Variants in RNF114 observed in about 807,000 individuals in gnomAD.
The protein encoded by RNF114 is E3 ubiquitin-protein ligase RNF114.
A neutral mutation model predicts 28.4 loss-of-function variants in RNF114; 6 were observed. That is an observed-to-expected ratio of 0.21 (90% CI 0.12 to 0.42). The LOEUF is 0.42. Ranked by LOEUF, RNF114 falls within the 10% of genes least tolerant of loss-of-function variation. The pLI is 1.00. For synonymous variants in RNF114, 115 were observed against 116.7 expected, an observed-to-expected ratio of 0.99 and a Z score of 0.09; for missense variants, 249 against 311.7, an observed-to-expected ratio of 0.80 and a Z score of 1.51.
At chr20:49,950,117 T>C (rs779296372) in intron 5 of RNF114, among the ~76,000 whole-genome samples, 6 of 151,930 alleles carry the variant, frequency 3.9e-5, no homozygotes, top group Non-Finnish European at 4.4e-5. Flanking sequence ...CCAGGTGTGG[T>C]GGTGGGCACC....
At position 49,952,221 on chromosome 20, in the gene RNF114, C is replaced by A; in HGVS notation, c.*80C>A. On this transcript the variant is annotated 3_prime_UTR_variant, in exon 6 of 6. Transcript: ENST00000244061. ...AACGTGAAATCTATGACTCCTGTAC[C>A]TTACCTGTTCAACAGACCTGAAAAT... 1 of 1,252,372 alleles carries A rather than the reference C, an allele frequency of 8.0e-7. No homozygotes were observed. Among genetic ancestry groups the A allele is most frequent in the Non-Finnish European group, 1.2e-6 (1 of 851,074 alleles). The allele number at this position is 1,252,372 out of a possible 1,614,324, so 77.6% of individuals were successfully genotyped here. A position where few individuals can be genotyped will look rare whatever the true frequency, so the allele number is the denominator to read the frequency against.
At position 49,952,169 on chromosome 20, in the gene RNF114, A is replaced by G; in HGVS notation, c.*28A>G. On this transcript the variant is annotated 3_prime_UTR_variant, in exon 6 of 6. Transcript: ENST00000244061. ...AGAGTCCGTGCTTGCTATCTGTCTC[A>G]TGTTACAGAGCTTCCATTACATATT... 6.3e-7 allele frequency: 1 copy of G among 1,593,704 alleles called. No individual in the cohort carries two copies. The highest frequency in any genetic ancestry group is 8.6e-7 in the Non-Finnish European group (1 of 1,161,332).
rs184400159 is a variant in RNF114, at chr20:49,952,287, G to A, written c.*146G>A. ...GACAGGGTCACTTCTGACAGGGGAA[G>A]TGGGTCCCCAGGTCAGCCCTTCTCT... is the stretch of plus-strand genomic sequence containing the variant. On this transcript the variant is annotated 3_prime_UTR_variant, in exon 6 of 6. Transcript: ENST00000244061. The A allele has an allele frequency of 2.9e-4, 212 of 721,776 alleles. No individual in the cohort carries two copies. In the African/African-American group the frequency reaches 3.4e-3, roughly 12 times the overall value. 44.7% of individuals were successfully genotyped at this position (721,776 alleles called of 1,614,324 possible).
At chr20:49,947,835 A>C (rs1315911995) in intron 4 of RNF114, among the ~76,000 whole-genome samples, 1 of 111,484 alleles carries the variant, frequency 9.0e-6, no homozygotes, top group Non-Finnish European at 1.7e-5. Context: ...TCTGTCGCCC[A>C]GGCTGGAGTG....
intron 5 of RNF114, 149 bp from the exon 6 acceptor site, chr20:49,951,927 C>T (rs2090356632): frequency 1.6e-6 from 1 of 614,434 alleles, no homozygotes; most frequent in Non-Finnish European, 3.0e-6. Context: ...CCCAAAGTTA[C>T]ATACCTAGCA....
chr20:49,941,171 C>T (rs368980212), intron 1 of RNF114: 1 of 163,408 alleles, frequency 6.1e-6, no homozygotes, highest in Admixed American at 6.4e-5. Flanking sequence ...GGGCTGGACA[C>T]TCTGCCAGGG....
intron 2 of RNF114, among the ~76,000 whole-genome samples, chr20:49,942,954 T>A (rs1290854901): frequency 1.3e-5 from 2 of 152,174 alleles, no homozygotes; most frequent in Non-Finnish European, 2.9e-5. Context: ...TATATATATT[T>A]CTTCAACTTT....
intron 4 of RNF114, among the ~76,000 whole-genome samples, chr20:49,948,220 C>T (rs2090341901): frequency 6.6e-6 from 1 of 152,136 alleles, no homozygotes; most frequent in African/African-American, 2.4e-5. Flanking sequence ...CAGTCTTCTA[C>T]CATTCCAGAT....
intron 3 of RNF114, among the ~76,000 whole-genome samples, chr20:49,945,801 G>A (rs2090328368): frequency 6.6e-6 from 1 of 152,172 alleles, no homozygotes; most frequent in South Asian, 2.1e-4. Flanking sequence ...AAGTAGCTGG[G>A]ATTACAGGCA....
chr20:49,945,085 T>G (rs1384749764), intron 2 of RNF114: 15 of 249,816 alleles, frequency 6.0e-5, no homozygotes, highest in Admixed American at 5.5e-4. Flanking sequence ...AAAAACATCC[T>G]AGATTTGGAG....
intron 1 of RNF114, among the ~76,000 whole-genome samples, chr20:49,936,962 G>A (rs1218402434): frequency 3.3e-5 from 5 of 152,106 alleles, no homozygotes; most frequent in Non-Finnish European, 7.4e-5. Flanking sequence ...TAGCTGTGGC[G>A]AGTTATTCTA....
chr20:49,946,444 G>T (rs1029972362), intron 4 of RNF114, among the ~76,000 whole-genome samples, 194 bp downstream of exon 4: 2 of 152,128 alleles, frequency 1.3e-5, no homozygotes, highest in African/African-American at 4.8e-5. Flanking sequence ...ATAAGCTACA[G>T]ATACCATGAC....
chr20:49,951,523 A>G (rs1451852313), intron 5 of RNF114, among the ~76,000 whole-genome samples: 4 of 152,086 alleles, frequency 2.6e-5, no homozygotes, highest in Admixed American at 2.6e-4. Context: ...GCCAGCCTCC[A>G]TTCGTGTGCT....
rs2090346522 is a variant in RNF114, at chr20:49,949,243, G to A, written c.514-5G>A. On this transcript the variant is annotated splice_polypyrimidine_tract_variant and splice_region_variant and intron_variant, in intron 4 of 5. Transcript: ENST00000244061. ...GTGCCTAAGACCTTGCTTTTGTGTT[G>A]AAAGGTTTGTCCGATATGTGCCTCG... The A allele has an allele frequency of 1.2e-6, 2 of 1,613,844 alleles. No homozygotes were observed. The highest frequency in any genetic ancestry group is 1.7e-5 in the Admixed American group (1 of 60,020).
intron 2 of RNF114, chr20:49,941,974 A>T (rs544845110): frequency 4.7e-6 from 2 of 425,264 alleles, no homozygotes. Flanking sequence ...CCTATAAAAG[A>T]TCAATTATGG....
At chr20:49,939,569 A>G (rs1183130683) in intron 1 of RNF114, among the ~76,000 whole-genome samples, 1 of 152,112 alleles carries the variant, frequency 6.6e-6, no homozygotes, top group African/African-American at 2.4e-5. Flanking sequence ...AGGCTTCAGG[A>G]TAGGAACTCG....
intron 5 of RNF114, among the ~76,000 whole-genome samples, chr20:49,951,466 G>A (rs1309636830): frequency 2.6e-5 from 4 of 152,064 alleles, no homozygotes; most frequent in Admixed American, 2.0e-4. Flanking sequence ...GTGCATCTGC[G>A]TGCTCTGTTC....
intron 5 of RNF114, 95 bp from the exon 6 acceptor site, chr20:49,951,981 C>T (rs757389903): frequency 1.5e-4 from 148 of 1,015,182 alleles, no homozygotes; most frequent in Non-Finnish European, 2.0e-4. Context: ...GCAACCTGCT[C>T]CGGATCCAGT....
In RNF114 at chr20:49,949,293, C is replaced by T. The variant is rs11550501; in HGVS notation, c.559C>T (p.Arg187Cys). The T allele has an allele frequency of 1.6e-5, 26 of 1,614,060 alleles. No individual in the cohort carries two copies. The highest frequency in any genetic ancestry group is 1.3e-4 in the South Asian group (12 of 91,090). Residue 187 changes from arginine (R) to cysteine (C), a missense_variant, in exon 5 of 6, where the codon CGC (arginine) becomes TGC (cysteine). Coordinates refer to ENST00000244061, the MANE Select transcript of RNF114 (RefSeq NM_018683.4). The part of the protein sequence containing the change: ...ASMPWGDPNY[R>C]SANFREHIQR... ...GATGCCCTGGGGAGACCCCAACTAC[C>T]GCAGCGCCAACTTCAGAGAGCACAT...
Sources: allele counts gnomAD v4.1 joint callset (sites outside exome capture counted in the v4.1 genomes callset), GRCh38; gene constraint gnomAD v4.1.1; transcripts MANE v1.5; gene names NCBI Gene and HGNC (gene_info 2026-07-23, HGNC 2026-07-21).